EDA: variants seen among roughly 807,000 people sequenced by gnomAD.
EDA encodes ectodysplasin A, also known as ectodysplasin-A.
In EDA, 2 loss-of-function variants were observed where a neutral mutation model predicts 23.6. The ratio of observed to expected loss-of-function variants is 0.08; its 90% CI spans 0.03 to 0.27. The LOEUF is 0.27. EDA is among the 10% of genes least tolerant of loss of function. The probability of loss-of-function intolerance (pLI) is 1.00; values close to 1 mark genes in which losing one functional copy is unlikely to be tolerated. For synonymous variants in EDA, 131 were observed against 132.0 expected (o/e 0.99, Z 0.05); for missense variants, 229 against 324.2 (o/e 0.71, Z 2.26).
chrX:69,630,578 C>T (rs1223145804), intron 1 of EDA, among the ~76,000 whole-genome samples: 2 of 112,279 alleles, frequency 1.8e-5, no homozygotes, highest in African/African-American at 3.2e-5. Context: ...CTGTCTCCTT[C>T]GCACTGTCTT....
chrX:69,907,403 ATG>A (rs1430841802), intron 1 of EDA, among the ~76,000 whole-genome samples: 1 of 111,279 alleles, frequency 9.0e-6, no homozygotes, highest in Non-Finnish European at 1.9e-5. Flanking sequence ...AGAGAAGCAT[ATG>A]TATTTTGAAT....
chrX:69,910,097 T>C (rs1279679199), intron 1 of EDA, among the ~76,000 whole-genome samples: 2 of 111,552 alleles, frequency 1.8e-5, no homozygotes, highest in Admixed American at 1.9e-4. Context: ...TAGGCAGTTT[T>C]ATATCTATTA....
At chrX:69,844,843 A>C (rs984158662) in intron 1 of EDA, among the ~76,000 whole-genome samples, 1 of 112,196 alleles carries the variant, frequency 8.9e-6, no homozygotes, top group African/African-American at 3.2e-5. Context: ...CACCTGATAT[A>C]ATTGGCATCA....
intron 1 of EDA, among the ~76,000 whole-genome samples, chrX:69,660,490 A>C (rs1372759028): frequency 2.0e-4 from 19 of 94,398 alleles, no homozygotes; most frequent in African/African-American, 5.3e-4. Context: ...ATCCCTCCCC[A>C]CTCCCCCCAC....
chrX:69,652,609 A>G (rs778723778), intron 1 of EDA, among the ~76,000 whole-genome samples: 1 of 111,763 alleles, frequency 8.9e-6, no homozygotes, highest in South Asian at 3.7e-4. Context: ...TGTTAAACAA[A>G]TTCACCATTC....
intron 1 of EDA, among the ~76,000 whole-genome samples, chrX:69,710,459 G>A (rs1246719182): frequency 3.6e-5 from 4 of 111,464 alleles, no homozygotes; most frequent in African/African-American, 6.5e-5. Context: ...TTTTGGCGTA[G>A]GATTGACTTG....
At chrX:69,638,913 C>G (rs1022749183) in intron 1 of EDA, among the ~76,000 whole-genome samples, 1 of 110,920 alleles carries the variant, frequency 9.0e-6, no homozygotes, top group African/African-American at 3.3e-5. Context: ...ACTCTTTCTA[C>G]CCATTAACCA....
At chrX:70,011,252 C>T (rs888668490) in intron 2 of EDA, among the ~76,000 whole-genome samples, 3 of 111,296 alleles carry the variant, frequency 2.7e-5, no homozygotes, top group Non-Finnish European at 3.8e-5. Context: ...CAATCCTTCC[C>T]TTTCATCCCT....
chrX:69,880,120 C>A (rs956003159), intron 1 of EDA, among the ~76,000 whole-genome samples: 1 of 111,710 alleles, frequency 9.0e-6, no homozygotes, highest in African/African-American at 3.3e-5. Flanking sequence ...CCATTCACAA[C>A]GAACATGGGT....
chrX:69,988,794 T>G (rs761356581), intron 2 of EDA, among the ~76,000 whole-genome samples: 2 of 110,909 alleles, frequency 1.8e-5, no homozygotes, highest in South Asian at 7.9e-4. Flanking sequence ...AGGTGGCGGT[T>G]GCAGTGAGCC....
intron 1 of EDA, among the ~76,000 whole-genome samples, chrX:69,692,300 C>T (rs1934734905): frequency 9.0e-6 from 1 of 111,454 alleles, no homozygotes; most frequent in African/African-American, 3.3e-5. Context: ...CTCTCTAGCC[C>T]AGCCTGACAC....
At chrX:69,767,320 C>T (rs1454607057) in intron 1 of EDA, among the ~76,000 whole-genome samples, 1 of 111,124 alleles carries the variant, frequency 9.0e-6, no homozygotes, top group Non-Finnish European at 1.9e-5. Flanking sequence ...ATATACCTAT[C>T]ATGCCCAAAA....
chrX:69,706,381 G>A (rs1039629527), intron 1 of EDA, among the ~76,000 whole-genome samples: 1 of 111,919 alleles, frequency 8.9e-6, no homozygotes, highest in Non-Finnish European at 1.9e-5. Flanking sequence ...AAGCAAAAAG[G>A]TTAATAAATT....
At chrX:69,817,238 A>T (rs2016102200) in intron 1 of EDA, among the ~76,000 whole-genome samples, 1 of 111,883 alleles carries the variant, frequency 8.9e-6, no homozygotes, top group African/African-American at 3.3e-5. Context: ...ATGGAAAGGA[A>T]AAACCATTAC....
At position 70,035,484 on chromosome X, in the gene EDA, G is replaced by A. The variant is rs758752553; in HGVS notation, c.1051G>A (p.Val351Ile). The change falls in exon 8 of 8, where the codon GTC (valine) becomes ATC (isoleucine). Residue 351 changes from valine (V) to isoleucine (I), a missense_variant. By Grantham distance (29) the Val-to-Ile change is conservative (BLOSUM62 3). This residue lies in a region of EDA where 175 missense variants were observed against 281.8 expected (regional missense o/e 0.62). Transcript: ENST00000374552. Reference protein sequence around the residue: ...TNYNTCYTAGVCLLKARQKIA... With the variant: ...TNYNTCYTAGICLLKARQKIA... ...CTACAACACTTGCTATACCGCAGGCGTCTGCCTCCTCAAGGCCCGGCAGAA... is the reference window on the plus strand; with the variant it reads ...CTACAACACTTGCTATACCGCAGGCATCTGCCTCCTCAAGGCCCGGCAGAA... 1.2e-5 allele frequency: 14 copies of A among 1,207,610 alleles called. No individual in the cohort carries two copies. Among genetic ancestry groups the A allele is most frequent in the Middle Eastern group, 2.3e-4 (1 of 4,354 alleles).
intron 2 of EDA, among the ~76,000 whole-genome samples, chrX:69,957,666 C>G (rs1164061766): frequency 5.4e-5 from 6 of 110,832 alleles, no homozygotes; most frequent in African/African-American, 2.0e-4. Context: ...TCAGTCCTTT[C>G]TCAGTATGTC....
intron 1 of EDA, among the ~76,000 whole-genome samples, chrX:69,750,755 G>A (rs1001570951): frequency 8.9e-6 from 1 of 111,804 alleles, no homozygotes; most frequent in Non-Finnish European, 1.9e-5. Flanking sequence ...ATTTTGACTC[G>A]CATTTCTCTA....
intron 1 of EDA, among the ~76,000 whole-genome samples, chrX:69,862,064 T>C (rs2017395080): frequency 8.9e-6 from 1 of 111,968 alleles, no homozygotes; most frequent in Admixed American, 9.5e-5. Flanking sequence ...TACTTGGGGA[T>C]TCCTGGCTCA....
In EDA at chrX:69,951,809, T is replaced by C. The variant is rs188499678; in HGVS notation, c.397-5218T>C. ...GATCCCTGTAATTTGCAGGTGCTGT[T>C]TACCATGTAATTTTACCCTAGGAAA... is the stretch of plus-strand genomic sequence containing the variant. On this transcript the variant is annotated intron_variant, in intron 1 of 7. Coordinates refer to ENST00000374552, the MANE Select transcript of EDA (RefSeq NM_001399.5). Among the ~76,000 whole-genome samples, 18 of 112,058 alleles carry C rather than the reference T, an allele frequency of 1.6e-4. No homozygotes were observed. In the East Asian group the frequency reaches 3.9e-3, roughly 25 times the overall value.
Sources: allele counts gnomAD v4.1 joint callset (sites outside exome capture counted in the v4.1 genomes callset), GRCh38; gene constraint gnomAD v4.1.1; regional missense constraint gnomAD v4.1.1; transcripts MANE v1.5; gene names NCBI Gene and HGNC (gene_info 2026-07-23, HGNC 2026-07-21).